The following FAM114A1 variants were observed in gnomAD, a reference collection of about 807,000 sequenced individuals.
The protein encoded by FAM114A1 is family with sequence similarity 114 member A1.
Under a neutral mutation model 64.3 loss-of-function variants are expected in FAM114A1, and 62 were observed. That is an observed-to-expected ratio of 0.96 (90% CI 0.79 to 1.19). The LOEUF is 1.19. Among genes scored for constraint, FAM114A1 ranks in the 50% most tolerant of loss-of-function variants. FAM114A1 has a pLI of 0.00. For synonymous variants in FAM114A1, 254 were observed against 251.1 expected (o/e 1.01, Z -0.11); for missense variants, 645 against 676.3 (o/e 0.95, Z 0.51).
chr4:38,908,220 ATTTAT>A (rs1471450782), intron 6 of FAM114A1, among the ~76,000 whole-genome samples: 1 of 152,148 alleles, frequency 6.6e-6, no homozygotes, highest in Non-Finnish European at 1.5e-5. Flanking sequence ...AGAAACAGCA[ATTTAT>A]TTTATGTTAA....
intron 14 of FAM114A1, among the ~76,000 whole-genome samples, chr4:38,942,916 C>T (rs1721681260): frequency 6.6e-6 from 1 of 152,028 alleles, no homozygotes; most frequent in Admixed American, 6.6e-5. Context: ...TCTTAAAAGT[C>T]CATAGAAGTG....
intron 4 of FAM114A1, among the ~76,000 whole-genome samples, chr4:38,899,277 AT>A (rs1279899180): frequency 6.6e-6 from 1 of 152,152 alleles, no homozygotes; most frequent in African/African-American, 2.4e-5. Flanking sequence ...GTCTTAACCT[AT>A]CCCATTGGGA....
intron 2 of FAM114A1, among the ~76,000 whole-genome samples, chr4:38,877,068 A>C (rs1714717608): frequency 6.6e-6 from 1 of 152,004 alleles, no homozygotes; most frequent in Non-Finnish European, 1.5e-5. Flanking sequence ...GGTAACACTC[A>C]CAGGTTCCAG....
intron 2 of FAM114A1, among the ~76,000 whole-genome samples, chr4:38,869,736 G>A (rs563090022): frequency 2.2e-4 from 33 of 150,104 alleles, no homozygotes; most frequent in African/African-American, 7.1e-4. Flanking sequence ...TTTTTTAACT[G>A]GGGGAGATGA....
chr4:38,920,038 G>T (rs1050176329), intron 8 of FAM114A1, among the ~76,000 whole-genome samples: 16 of 152,170 alleles, frequency 1.1e-4, no homozygotes, highest in South Asian at 8.3e-4. Context: ...GCGAAACCCT[G>T]TCTCTACAAA....
chr4:38,899,242 G>A lies in FAM114A1; in HGVS notation c.437-6280G>A, dbSNP rs543550729. On this transcript the variant is annotated intron_variant, in intron 4 of 14. Coordinates refer to ENST00000358869, the MANE Select transcript of FAM114A1 (RefSeq NM_138389.4). Reference sequence around the variant, plus strand: ...GCAAAACTAAGCCAAGGGAGAAGCTGAACTGCAGTGTCGTTACAGCAGAGG... The same window carrying A: ...GCAAAACTAAGCCAAGGGAGAAGCTAAACTGCAGTGTCGTTACAGCAGAGG... 7.4e-4 allele frequency among the ~76,000 whole-genome samples: 113 copies of A among 152,240 alleles called. 1 individual carries two copies. In the South Asian group the frequency reaches 8.1e-3, roughly 11 times the overall value.
rs1220553530 is a variant in FAM114A1, at chr4:38,905,563, C to G, written c.478C>G (p.Leu160Val). ...TAVKEKAGAT[L>V]RIHGVNSGSS... Reference sequence around the variant, plus strand: ...AGTCAAGGAAAAAGCAGGAGCCACTCTACGGATTCATGGTGTAAATTCTGG... The same window carrying G: ...AGTCAAGGAAAAAGCAGGAGCCACTGTACGGATTCATGGTGTAAATTCTGG... Residue 160 changes from leucine (L) to valine (V), a missense_variant, in exon 5 of 15, where the codon CTA (leucine) becomes GTA (valine). Leu to Val is a conservative substitution (Grantham distance 32, BLOSUM62 1). Transcript: ENST00000358869. The G allele has an allele frequency of 1.9e-6, 3 of 1,614,176 alleles. No individual in the cohort carries two copies. The highest frequency in any genetic ancestry group is 2.5e-6 in the Non-Finnish European group (3 of 1,180,040).
chr4:38,888,464 A>G (rs1055288290), intron 3 of FAM114A1, among the ~76,000 whole-genome samples: 2 of 152,168 alleles, frequency 1.3e-5, no homozygotes, highest in East Asian at 1.9e-4. Context: ...TGGAGGATGT[A>G]GTGAGCTATT....
chr4:38,928,489 GTC>G (rs1373594621), intron 9 of FAM114A1, among the ~76,000 whole-genome samples: 2 of 151,808 alleles, frequency 1.3e-5, no homozygotes, highest in African/African-American at 4.8e-5. Context: ...TACGTATACT[GTC>G]TGTTATATAT....
chr4:38,883,519 C>T (rs992766964), intron 3 of FAM114A1, among the ~76,000 whole-genome samples: 3 of 152,152 alleles, frequency 2.0e-5, no homozygotes, highest in Admixed American at 6.5e-5. Flanking sequence ...TCAACACCAA[C>T]GCATAAGGCC....
intron 3 of FAM114A1, among the ~76,000 whole-genome samples, chr4:38,886,835 G>A (rs1275543428): frequency 6.6e-6 from 1 of 151,652 alleles, no homozygotes; most frequent in African/African-American, 2.4e-5. Flanking sequence ...GGCTGAGGCA[G>A]GAGAATCGCT....
intron 13 of FAM114A1, among the ~76,000 whole-genome samples, chr4:38,936,547 CATTTTTTTT>C: frequency 7.1e-6 from 1 of 140,586 alleles, no homozygotes; most frequent in East Asian, 2.1e-4. Context: ...TAAGAGTTTT[CATTTTTTTT>C]TTTTTTTTTT....
intron 4 of FAM114A1, among the ~76,000 whole-genome samples, chr4:38,897,849 G>A (rs981416185): frequency 2.0e-5 from 3 of 151,368 alleles, no homozygotes; most frequent in Admixed American, 1.3e-4. Flanking sequence ...TGGAGGCTGC[G>A]ACAGAAGAAT....
In FAM114A1 at chr4:38,943,662, G is replaced by A; in HGVS notation, c.*105G>A. 1.1e-6 allele frequency: 1 copy of A among 924,424 alleles called. No individual in the cohort carries two copies. Among genetic ancestry groups the A allele is most frequent in the South Asian group, 1.4e-5 (1 of 69,200 alleles). The allele number at this position is 924,424 out of a possible 1,614,324, so 57.3% of individuals were successfully genotyped here. ...TGCGCCTGGCCACAGACATCCATTT[G>A]AGGACACTACAAGCAATTTTGCACA... On this transcript the variant is annotated 3_prime_UTR_variant, in exon 15 of 15. Transcript: ENST00000358869.
chr4:38,916,934 C>T (rs1719107261), intron 8 of FAM114A1, among the ~76,000 whole-genome samples: 2 of 152,022 alleles, frequency 1.3e-5, no homozygotes, highest in South Asian at 4.2e-4. Context: ...TTGTTGTCAG[C>T]CCTTTACAAT....
At chr4:38,938,255 C>T (rs1273200825) in intron 13 of FAM114A1, among the ~76,000 whole-genome samples, 1 of 152,086 alleles carries the variant, frequency 6.6e-6, no homozygotes, top group Admixed American at 6.6e-5. Context: ...GGCATGCCCC[C>T]TCCTCCTCCT....
intron 8 of FAM114A1, among the ~76,000 whole-genome samples, chr4:38,921,607 G>C (rs1170906817): frequency 5.3e-5 from 8 of 152,162 alleles, no homozygotes; most frequent in African/African-American, 1.7e-4. Flanking sequence ...TTTCAAAAGA[G>C]GGGCTCTAAA....
chr4:38,943,567 A>T lies in FAM114A1; in HGVS notation c.*10A>T, dbSNP rs753498258. 6.2e-6 allele frequency: 10 copies of T among 1,611,976 alleles called. No homozygotes were observed. The highest frequency in any genetic ancestry group is 1.7e-4 in the Middle Eastern group (1 of 5,894). On this transcript the variant is annotated 3_prime_UTR_variant, in exon 15 of 15. Transcript: ENST00000358869. ...GAAAGCACAGCCGTGACCTGGCCAG[A>T]CTCCATCTAGTTAAAGGAGACAGCT...
intron 10 of FAM114A1, among the ~76,000 whole-genome samples, chr4:38,930,263 A>G (rs963541327): frequency 1.3e-5 from 2 of 152,178 alleles, no homozygotes; most frequent in South Asian, 2.1e-4. Flanking sequence ...TTAAAACTGC[A>G]TGATGTTTTT....
Sources: gnomAD v4.1 joint callset for allele counts (sites outside exome capture counted in the v4.1 genomes callset) on GRCh38, gnomAD v4.1.1 for gene constraint, MANE v1.5 for transcripts, NCBI Gene and HGNC (gene_info 2026-07-23, HGNC 2026-07-21) for gene names.